The following SYNE1 variants were observed in gnomAD, a reference collection of about 807,000 sequenced individuals.
The protein encoded by SYNE1 is spectrin repeat containing nuclear envelope protein 1.
SYNE1 carries 616 observed loss-of-function variants against 1,111.0 expected under a neutral mutation model. That is an observed-to-expected ratio of 0.55 (90% confidence interval 0.52 to 0.59). The LOEUF (loss-of-function observed/expected upper bound fraction) is 0.59. Among genes scored for constraint, SYNE1 ranks in the 20% least tolerant of loss-of-function variants. The pLI, the probability that SYNE1 is intolerant of heterozygous loss-of-function variation, is 0.00. For missense variants in SYNE1, 10,006 were observed against 10,417.0 expected (o/e 0.96, Z 1.72); for synonymous variants, 3,855 against 3,825.8 (o/e 1.01, Z -0.28).
intron 6 of SYNE1, among the ~76,000 whole-genome samples, chr6:152,516,198 G>C (rs2099110891): frequency 6.6e-6 from 1 of 152,222 alleles, no homozygotes; most frequent in Non-Finnish European, 1.5e-5. Context: ...AAGTGCAAGA[G>C]AGTGTGGCCG....
intron 105 of SYNE1, among the ~76,000 whole-genome samples, chr6:152,247,822 C>A (rs1381450733): frequency 7.0e-6 from 1 of 143,828 alleles, no homozygotes; most frequent in African/African-American, 2.6e-5. Context: ...TGCACACTCA[C>A]AGTTTTGCAA....
Position 152,281,834 on chromosome 6 carries a change from G to A in SYNE1, c.18354C>T (p.Asp6118=), listed in dbSNP as rs371852372. ...GGCAGTCCATAAGCTGGGCCTCCAT[G>A]TCCATGGGCTCCTTGGGTGGACTCA... The part of the protein sequence containing the change: ...TALSPPKEPM[D]MEAQLMDCQN... The change falls in exon 97 of 146, where the codon GAC becomes GAT. Residue 6118 remains aspartate (D), a synonymous_variant. Transcript: ENST00000367255. 2 of 1,614,016 alleles carry A rather than the reference G, an allele frequency of 1.2e-6. No individual in the cohort carries two copies. The highest frequency in any genetic ancestry group is 1.3e-5 in the African/African-American group (1 of 74,926).
chr6:152,519,492 T>A (rs1243479901), intron 6 of SYNE1, among the ~76,000 whole-genome samples: 2 of 152,162 alleles, frequency 1.3e-5, no homozygotes, highest in Non-Finnish European at 2.9e-5. Flanking sequence ...ATGAGTATAA[T>A]GATGAATTTT....
At chr6:152,373,621 CT>C (rs1319041197) in intron 58 of SYNE1, among the ~76,000 whole-genome samples, 1 of 152,122 alleles carries the variant, frequency 6.6e-6, no homozygotes, top group Non-Finnish European at 1.5e-5. Context: ...GAAGTAAGCT[CT>C]TTTTACTGTA....
chr6:152,618,746 C>A (rs1173251750), intron 3 of SYNE1, among the ~76,000 whole-genome samples: 1 of 152,082 alleles, frequency 6.6e-6, no homozygotes, highest in South Asian at 2.1e-4. Flanking sequence ...CAAAATAATT[C>A]AAAATTGTAC....
intron 56 of SYNE1, 83 bp from the exon 57 acceptor site, chr6:152,376,995 A>G (rs1263950103): frequency 1.5e-5 from 22 of 1,509,448 alleles, no homozygotes; most frequent in Non-Finnish European, 1.9e-5. Flanking sequence ...CATCAATCAT[A>G]TTATAAATTA....
At chr6:152,182,499 C>T (rs951203350) in intron 128 of SYNE1, among the ~76,000 whole-genome samples, 4 of 152,216 alleles carry the variant, frequency 2.6e-5, no homozygotes, top group Admixed American at 1.3e-4. Context: ...ACTCCCTGGG[C>T]TCAAACTGTT....
At chr6:152,305,462 A>C (rs906549087) in intron 91 of SYNE1, among the ~76,000 whole-genome samples, 4 of 151,992 alleles carry the variant, frequency 2.6e-5, no homozygotes, top group Admixed American at 2.6e-4. Flanking sequence ...ACGGGGTTTC[A>C]CCATATTGGC....
chr6:152,351,827 G>A (rs534365846), intron 70 of SYNE1, among the ~76,000 whole-genome samples, 200 bp downstream of exon 70: 2 of 152,094 alleles, frequency 1.3e-5, no homozygotes, highest in East Asian at 3.9e-4. Flanking sequence ...TCAGATCTCT[G>A]AATGCAAAAA....
Position 152,165,727 on chromosome 6 carries a change from G to C in SYNE1, c.23628-1402C>G, listed in dbSNP as rs1169903688. On this transcript the variant is annotated intron_variant, in intron 130 of 145. Coordinates refer to ENST00000367255, the MANE Select transcript of SYNE1 (RefSeq NM_182961.4). ...TACCCTGTCCCCCAGACACTTCAAG[G>C]CATTGGCCTTGAACACTATTTCCAA... 2.0e-5 allele frequency among the ~76,000 whole-genome samples: 3 copies of C among 152,064 alleles called. No homozygotes were observed. The South Asian group carries it at 6.2e-4, about 32-fold the overall frequency.
chr6:152,399,312 T>C (rs569027951), intron 48 of SYNE1, among the ~76,000 whole-genome samples: 1 of 152,334 alleles, frequency 6.6e-6, no homozygotes, highest in South Asian at 2.1e-4. Context: ...GCTGGCCACT[T>C]GAGCAGTGGA....
chr6:152,135,695 G>T (rs2056904378), intron 141 of SYNE1, among the ~76,000 whole-genome samples: 2 of 152,106 alleles, frequency 1.3e-5, no homozygotes, highest in Non-Finnish European at 2.9e-5. Context: ...CACTGTACTA[G>T]GAGTGGGTGC....
intron 93 of SYNE1, among the ~76,000 whole-genome samples, chr6:152,297,415 T>G (rs1183784386): frequency 6.6e-6 from 1 of 152,112 alleles, no homozygotes; most frequent in Non-Finnish European, 1.5e-5. Flanking sequence ...TGTACTGCCC[T>G]CGGCCACACT....
chr6:152,161,756 C>G (rs1586576673), intron 131 of SYNE1, among the ~76,000 whole-genome samples: 1 of 152,192 alleles, frequency 6.6e-6, no homozygotes, highest in Non-Finnish European at 1.5e-5. Flanking sequence ...GGGAGGCTTC[C>G]CTGTGGAGAG....
rs1025934846 is a variant in SYNE1, at chr6:152,376,875, G to A, written c.9047C>T (p.Thr3016Ile). The stretch of plus-strand genomic sequence containing the variant: ...ATTCAGCTGAGACTTGAGATCCTCT[G>A]TTCTAGGCTCTGCTTTTTGCAAAGC... Reference protein sequence around the residue: ...LDALQKAEPRTEDLKSQLNEL... With the variant: ...LDALQKAEPRIEDLKSQLNEL... The change falls in exon 57 of 146, where the codon ACA becomes ATA. Residue 3016 changes from threonine (T) to isoleucine (I), a missense_variant. Transcript: ENST00000367255. 6.2e-7 allele frequency: 1 copy of A among 1,614,032 alleles called. No individual in the cohort carries two copies. The highest frequency in any genetic ancestry group is 8.5e-7 in the Non-Finnish European group (1 of 1,180,006).
In SYNE1 at chr6:152,151,428, T is replaced by C. The variant is rs115948015; in HGVS notation, c.24450+125A>G. On this transcript the variant is annotated intron_variant, in intron 135 of 145. Coordinates refer to ENST00000367255, the MANE Select transcript of SYNE1 (RefSeq NM_182961.4). ...TTTATATATTTTACATTTTCTGAAT[T>C]TTTTTGCAGTCCAGAACTAATTTTT... is the stretch of plus-strand genomic sequence containing the variant. The C allele has an allele frequency of 1.8e-3, 2,174 of 1,189,716 alleles. 40 individuals carry two copies. The African/African-American group carries it at 0.03, about 17-fold the overall frequency. 73.7% of individuals were successfully genotyped at this position (1,189,716 alleles called of 1,614,324 possible).
chr6:152,365,074 T>A (rs766331285), intron 62 of SYNE1, 55 bp from the exon 63 acceptor site: 4 of 1,600,982 alleles, frequency 2.5e-6, no homozygotes, highest in Non-Finnish European at 3.4e-6. Context: ...CATTGCTGGC[T>A]TTAAATATTG....
At chr6:152,629,543 G>A (rs1583738461) in intron 2 of SYNE1, among the ~76,000 whole-genome samples, 2 of 101,070 alleles carry the variant, frequency 2.0e-5, no homozygotes, top group Admixed American at 9.9e-5. Context: ...GGGGGAGGGG[G>A]AGGGGAGGAG....
intron 105 of SYNE1, 34 bp from the exon 106 acceptor site, chr6:152,244,690 C>T (rs747660515): frequency 3.1e-6 from 5 of 1,613,090 alleles, no homozygotes; most frequent in African/African-American, 1.3e-5. Context: ...ATTAAAACTC[C>T]CATGAACAAT....
Sources: allele counts gnomAD v4.1 joint callset (sites outside exome capture counted in the v4.1 genomes callset), GRCh38; gene constraint gnomAD v4.1.1; transcripts MANE v1.5; gene names NCBI Gene and HGNC (gene_info 2026-07-23, HGNC 2026-07-21).